Variants in CPED1 observed in about 807,000 individuals in gnomAD.
CPED1 encodes cadherin-like and PC-esterase domain-containing protein 1.
In CPED1, 114 loss-of-function variants were observed where a neutral mutation model predicts 128.2. That is an observed-to-expected ratio of 0.89 (90% CI 0.76 to 1.04). The LOEUF (loss-of-function observed/expected upper bound fraction) is 1.04, where lower values mean the gene tolerates loss of function less well. Ranked by LOEUF, CPED1 falls within the 50% of genes least tolerant of loss-of-function variation. The probability of loss-of-function intolerance (pLI) is 0.00; values close to 1 mark genes in which losing one functional copy is unlikely to be tolerated. For missense variants in CPED1, 1,211 were observed against 1,207.1 expected, an observed-to-expected ratio of 1.00 and a Z score of -0.05; for synonymous variants, 462 against 426.7, an observed-to-expected ratio of 1.08 and a Z score of -1.02.
chr7:121,080,862 GA>G (rs1268345851), intron 5 of CPED1, among the ~76,000 whole-genome samples: 2 of 152,084 alleles, frequency 1.3e-5, no homozygotes, highest in Non-Finnish European at 2.9e-5. Flanking sequence ...TGAGCAACAA[GA>G]AACTTACAAG....
At position 121,127,106 on chromosome 7, in the gene CPED1, A is replaced by G; in HGVS notation, c.1151A>G (p.Asn384Ser). ...CTTTCAAAGGTACACGAGCATTTAA[A>G]TTTTCAAGATTATGATAATATGGAT... is the stretch of plus-strand genomic sequence containing the variant. ...PVVLQVHEHL[N>S]FQDYDNMDFE... Residue 384 changes from asparagine (N) to serine (S), a missense_variant, in exon 10 of 23, where the codon AAT (asparagine) becomes AGT (serine). Physicochemically the swap from Asn to Ser is conservative, Grantham distance 46 (BLOSUM62 1). Coordinates refer to ENST00000310396, the MANE Select transcript of CPED1 (RefSeq NM_024913.5). The G allele has an allele frequency of 6.3e-7, 1 of 1,591,390 alleles. No homozygotes were observed. The highest frequency in any genetic ancestry group is 1.1e-5 in the South Asian group (1 of 89,004).
intron 3 of CPED1, among the ~76,000 whole-genome samples, chr7:121,019,677 A>G (rs1242243028): frequency 6.6e-6 from 1 of 152,062 alleles, no homozygotes; most frequent in African/African-American, 2.4e-5. Flanking sequence ...TGAGAACAGT[A>G]TGAGAACAAT....
intron 16 of CPED1, among the ~76,000 whole-genome samples, chr7:121,159,578 G>A (rs1796366409): frequency 1.3e-5 from 2 of 152,064 alleles, no homozygotes; most frequent in South Asian, 4.1e-4. Flanking sequence ...ACCTCTTATT[G>A]TTACCAAAAG....
At chr7:121,120,454 A>G (rs989982640) in intron 7 of CPED1, among the ~76,000 whole-genome samples, 3 of 152,186 alleles carry the variant, frequency 2.0e-5, no homozygotes, top group Admixed American at 6.5e-5. Flanking sequence ...TTAAGTACCA[A>G]CATTCCCTGA....
intron 3 of CPED1, among the ~76,000 whole-genome samples, chr7:121,028,433 C>A (rs900824356): frequency 1.3e-5 from 2 of 152,106 alleles, no homozygotes; most frequent in African/African-American, 4.8e-5. Context: ...GTAAGAAGCC[C>A]CACACTGAAT....
At chr7:121,024,192 G>T (rs1167980640) in intron 3 of CPED1, among the ~76,000 whole-genome samples, 1 of 152,108 alleles carries the variant, frequency 6.6e-6, no homozygotes, top group Admixed American at 6.6e-5. Flanking sequence ...GGAGCTCAAG[G>T]AATGTTTATT....
chr7:121,015,909 G>T, intron 3 of CPED1, 61 bp downstream of exon 3: 1 of 1,212,456 alleles, frequency 8.2e-7, no homozygotes, highest in South Asian at 3.3e-5. Flanking sequence ...ACAATTTCTA[G>T]AATGTGCTAC....
intron 14 of CPED1, among the ~76,000 whole-genome samples, chr7:121,136,372 G>C (rs559673013): frequency 1.3e-5 from 2 of 152,050 alleles, no homozygotes; most frequent in African/African-American, 4.8e-5. Context: ...TCAGATGTAA[G>C]AGCTTGGCTT....
intron 16 of CPED1, among the ~76,000 whole-genome samples, chr7:121,211,345 A>G (rs763804954): frequency 6.6e-6 from 1 of 152,132 alleles, no homozygotes; most frequent in Non-Finnish European, 1.5e-5. Context: ...AGTAGTGTCT[A>G]ATGCTACATC....
At chr7:121,257,480 G>A (rs2116725966) in intron 18 of CPED1, among the ~76,000 whole-genome samples, 1 of 152,016 alleles carries the variant, frequency 6.6e-6, no homozygotes, top group Non-Finnish European at 1.5e-5. Context: ...CAGAGGCAGT[G>A]GAAATGCAGA....
At chr7:121,066,892 A>G (rs1793842081) in intron 5 of CPED1, among the ~76,000 whole-genome samples, 1 of 152,166 alleles carries the variant, frequency 6.6e-6, no homozygotes, top group South Asian at 2.1e-4. Flanking sequence ...TGAGTATTAC[A>G]TTGAATCCGT....
intron 16 of CPED1, among the ~76,000 whole-genome samples, chr7:121,159,192 G>C (rs1045542064): frequency 6.6e-6 from 1 of 151,984 alleles, no homozygotes; most frequent in East Asian, 1.9e-4. Flanking sequence ...CAGACCCAGA[G>C]AATAAAGATT....
chr7:121,047,645 C>G (rs955839102), intron 4 of CPED1, among the ~76,000 whole-genome samples: 2 of 130,236 alleles, frequency 1.5e-5, no homozygotes, highest in African/African-American at 3.5e-5. Flanking sequence ...TAGATAGCAC[C>G]TTTCTTCTTC....
At chr7:120,995,960 CCTCCTCCTCCTT>C (rs1381591135) in intron 2 of CPED1, among the ~76,000 whole-genome samples, 1 of 142,302 alleles carries the variant, frequency 7.0e-6, no homozygotes, top group African/African-American at 2.6e-5. Context: ...TCCTCCTCCT[CCTCCTCCTCCTT>C]CTTCTTCTTC....
intron 16 of CPED1, among the ~76,000 whole-genome samples, chr7:121,192,578 A>G (rs1797167885): frequency 6.6e-6 from 1 of 152,004 alleles, no homozygotes. Flanking sequence ...TACCCGACAC[A>G]TAGCTTAATA....
intron 3 of CPED1, among the ~76,000 whole-genome samples, chr7:121,032,068 G>A (rs1423128262): frequency 6.6e-6 from 1 of 152,052 alleles, no homozygotes; most frequent in Non-Finnish European, 1.5e-5. Context: ...GCCTTATTTT[G>A]GGAAAGCAAT....
chr7:121,083,264 G>T lies in CPED1; in HGVS notation c.617-14435G>T, dbSNP rs150425814. Among the ~76,000 whole-genome samples, 37 of 152,290 alleles carry T rather than the reference G, an allele frequency of 2.4e-4. No homozygotes were observed. In the East Asian group the frequency reaches 7.1e-3, roughly 29 times the overall value. ...CCTTACAGTCCAGTCTTATGCCTGG[G>T]ATTCATGATGAGTCAGATGTGGGTG... On this transcript the variant is annotated intron_variant, in intron 5 of 22. Coordinates refer to ENST00000310396, the MANE Select transcript of CPED1 (RefSeq NM_024913.5).
At chr7:121,047,636 A>G (rs1435557728) in intron 4 of CPED1, among the ~76,000 whole-genome samples, 1 of 143,166 alleles carries the variant, frequency 7.0e-6, no homozygotes, top group Non-Finnish European at 1.5e-5. Context: ...TTCGCCATCT[A>G]GATAGCACCT....
At chr7:121,177,458 TA>T (rs1424267945) in intron 16 of CPED1, among the ~76,000 whole-genome samples, 2 of 152,018 alleles carry the variant, frequency 1.3e-5, no homozygotes, top group African/African-American at 2.4e-5. Context: ...TATATTTTTC[TA>T]AAAAAGCAGA....
Sources: allele counts gnomAD v4.1 joint callset (sites outside exome capture counted in the v4.1 genomes callset), GRCh38; gene constraint gnomAD v4.1.1; transcripts MANE v1.5; gene names NCBI Gene and HGNC (gene_info 2026-07-23, HGNC 2026-07-21).